PDE6D: variants seen among roughly 807,000 people sequenced by gnomAD.
PDE6D encodes the protein phosphodiesterase 6D, also known as retinal rod rhodopsin-sensitive cGMP 3',5'-cyclic phosphodiesterase subunit delta.
A neutral mutation model predicts 21.9 loss-of-function variants in PDE6D; 10 were observed. That is an observed-to-expected ratio of 0.46 (90% CI 0.28 to 0.78). The LOEUF (loss-of-function observed/expected upper bound fraction) is 0.78. PDE6D is among the 30% of genes least tolerant of loss of function. PDE6D has a pLI of 0.12. For missense variants in PDE6D, 139 were observed against 184.8 expected, an observed-to-expected ratio of 0.75 and a Z score of 1.44; for synonymous variants, 59 against 63.5, an observed-to-expected ratio of 0.93 and a Z score of 0.34.
At chr2:231,752,831 G>GGT (rs2048851652) in intron 1 of PDE6D, among the ~76,000 whole-genome samples, 1 of 119,298 alleles carries the variant, frequency 8.4e-6, no homozygotes, top group African/African-American at 3.3e-5. Context: ...AGAGATTTGA[G>GGT]TTTTTTTTTT....
intron 2 of PDE6D, 64 bp from the exon 3 acceptor site, chr2:231,738,202 A>T (rs1386334035): frequency 1.4e-6 from 2 of 1,479,338 alleles, no homozygotes; most frequent in African/African-American, 2.8e-5. Flanking sequence ...ATGATGCTTC[A>T]AATTTCTGGG....
At chr2:231,769,111 C>T (rs972588140) in intron 1 of PDE6D, among the ~76,000 whole-genome samples, 8 of 152,230 alleles carry the variant, frequency 5.3e-5, no homozygotes, top group African/African-American at 1.2e-4. Flanking sequence ...TCATGTGATC[C>T]GCCCACCTTG....
intron 3 of PDE6D, chr2:231,737,667 A>G: frequency 3.3e-6 from 1 of 300,114 alleles, no homozygotes. Flanking sequence ...TTCAATGCAG[A>G]GTGGCCTTGC....
intron 1 of PDE6D, among the ~76,000 whole-genome samples, chr2:231,742,878 C>A (rs893526298): frequency 6.6e-6 from 1 of 152,076 alleles, no homozygotes. Flanking sequence ...ACAGGACTTT[C>A]GAGGGAGTTG....
intron 4 of PDE6D, among the ~76,000 whole-genome samples, chr2:231,733,955 G>A (rs1404911985): frequency 1.3e-5 from 2 of 152,122 alleles, no homozygotes; most frequent in Admixed American, 1.3e-4. Context: ...GCTCATGCCT[G>A]TAATCCCAGC....
At chr2:231,749,520 T>C (rs1330506323) in intron 1 of PDE6D, among the ~76,000 whole-genome samples, 3 of 138,114 alleles carry the variant, frequency 2.2e-5, no homozygotes, top group Admixed American at 1.5e-4. Context: ...TTTTTTTTTT[T>C]GAGATGGAGT....
intron 4 of PDE6D, among the ~76,000 whole-genome samples, chr2:231,734,846 C>CAAA (rs781430047): frequency 7.7e-5 from 5 of 65,072 alleles, no homozygotes; most frequent in African/African-American, 1.2e-4. Flanking sequence ...GACTCCGTCT[C>CAAA]AAAAAAAAAA....
Position 231,739,140 on chromosome 2 carries a change from T to A in PDE6D, c.99A>T (p.Gln33His), listed in dbSNP as rs1342736240. The A allele has an allele frequency of 6.2e-7, 1 of 1,613,296 alleles. No individual in the cohort carries two copies. The highest frequency in any genetic ancestry group is 8.5e-7 in the Non-Finnish European group (1 of 1,179,408). The change falls in exon 2 of 5, where the codon CAA becomes CAT. Residue 33 changes from glutamine to histidine, a missense_variant. Physicochemically the swap from Gln to His is conservative, Grantham distance 24 (BLOSUM62 0). Coordinates refer to ENST00000287600, the MANE Select transcript of PDE6D (RefSeq NM_002601.4). This position sits in a 1 kb window ranked among gnomAD's most constrained non-coding sequence, Gnocchi z 4.2. ...CAGGGACAGACAGGTCTTCTGTTCCTTGCCAGAGTATCTTCCCTGTCTCAG... is the reference window on the plus strand; with the variant it reads ...CAGGGACAGACAGGTCTTCTGTTCCATGCCAGAGTATCTTCCCTGTCTCAG... The part of the protein sequence containing the change: ...RDAETGKILW[Q>H]GTEDLSVPGV...
At chr2:231,741,215 A>G (rs1052009464) in intron 1 of PDE6D, among the ~76,000 whole-genome samples, 2 of 151,954 alleles carry the variant, frequency 1.3e-5, no homozygotes, top group African/African-American at 4.8e-5. Context: ...AAAAGCTTCC[A>G]GAGGTTAAAC....
intron 1 of PDE6D, among the ~76,000 whole-genome samples, chr2:231,758,389 G>A (rs1228492231): frequency 6.6e-6 from 1 of 151,684 alleles, no homozygotes; most frequent in Non-Finnish European, 1.5e-5. Flanking sequence ...CCCTTACCTT[G>A]GCCTCCCAAA....
intron 1 of PDE6D, among the ~76,000 whole-genome samples, chr2:231,751,667 T>C (rs1486470464): frequency 6.6e-6 from 1 of 152,210 alleles, no homozygotes; most frequent in African/African-American, 2.4e-5. Flanking sequence ...AGGATATCCA[T>C]AAACTGGTAT....
chr2:231,737,866 T>C (rs776690070), intron 3 of PDE6D, 147 bp downstream of exon 3: 18 of 734,328 alleles, frequency 2.5e-5, no homozygotes, highest in Non-Finnish European at 3.6e-5. Flanking sequence ...CACTGGGGAT[T>C]CACAGTCTTG....
chr2:231,746,444 G>A (rs1474854173), intron 1 of PDE6D, among the ~76,000 whole-genome samples: 1 of 152,088 alleles, frequency 6.6e-6, no homozygotes, highest in Non-Finnish European at 1.5e-5. Context: ...TGCCTGGCCC[G>A]TTGGTGTATT....
intron 1 of PDE6D, among the ~76,000 whole-genome samples, chr2:231,757,491 T>G: frequency 6.6e-6 from 1 of 151,944 alleles, no homozygotes; most frequent in East Asian, 1.9e-4. Flanking sequence ...AGAGACAGGG[T>G]TTCACCATGT....
chr2:231,767,115 A>G (rs1312881887), intron 1 of PDE6D, among the ~76,000 whole-genome samples: 1 of 152,136 alleles, frequency 6.6e-6, no homozygotes, highest in Non-Finnish European at 1.5e-5. Flanking sequence ...ATGTGAAAAA[A>G]GGCTCACAGG....
Position 231,762,534 on chromosome 2 carries a change from A to G in PDE6D, c.50+18531T>C, listed in dbSNP as rs1358868751. Among the ~76,000 whole-genome samples, 4 of 151,772 alleles carry G rather than the reference A, an allele frequency of 2.6e-5. No homozygotes were observed. In the South Asian group the frequency reaches 8.3e-4, roughly 32 times the overall value. ...TAATGTTTGTATTTTTAGTAAGGAC[A>G]AGGTTTCACCCTGTTGGCCAGGCTG... is the stretch of plus-strand genomic sequence containing the variant. On this transcript the variant is annotated intron_variant, in intron 1 of 4. Transcript: ENST00000287600.
chr2:231,737,978 A>G, intron 3 of PDE6D, 35 bp downstream of exon 3: 1 of 1,600,258 alleles, frequency 6.2e-7, no homozygotes, highest in African/African-American at 1.3e-5. Flanking sequence ...TGGTCGCCCT[A>G]AGCCCTGATT....
intron 1 of PDE6D, 74 bp downstream of exon 1, chr2:231,780,991 G>GC: frequency 7.5e-7 from 1 of 1,333,326 alleles, no homozygotes; most frequent in Non-Finnish European, 1.1e-6. Context: ...CGCGGCCCCC[G>GC]CCCCCGGCCA....
intron 1 of PDE6D, chr2:231,778,808 A>G (rs969685632): frequency 1.3e-5 from 2 of 152,234 alleles, no homozygotes; most frequent in African/African-American, 2.4e-5. Context: ...AAGAATACCA[A>G]TTAAAACAAT....
Sources: gnomAD v4.1 joint callset for allele counts (sites outside exome capture counted in the v4.1 genomes callset) on GRCh38, gnomAD v4.1.1 for gene constraint, Gnocchi (gnomAD v3.1) non-coding constraint, MANE v1.5 for transcripts, NCBI Gene and HGNC (gene_info 2026-07-23, HGNC 2026-07-21) for gene names.